The following RNF123 variants were observed in gnomAD, a reference collection of about 807,000 sequenced individuals.
RNF123 encodes the protein E3 ubiquitin-protein ligase RNF123.
Under a neutral mutation model 168.5 loss-of-function variants are expected in RNF123, and 86 were observed. The ratio of observed to expected loss-of-function variants is 0.51; its 90% CI spans 0.43 to 0.61. The LOEUF is 0.61. Among genes scored for constraint, RNF123 ranks in the 20% least tolerant of loss-of-function variants. The pLI is 0.00. For synonymous variants in RNF123, 666 were observed against 689.1 expected (o/e 0.97, Z 0.52); for missense variants, 1,419 against 1,729.7 (o/e 0.82, Z 3.19).
At chr3:49,718,661 C>T (rs748507577) in intron 35 of RNF123, 9 of 1,612,886 alleles carry the variant, frequency 5.6e-6, no homozygotes, top group African/African-American at 1.3e-5. Flanking sequence ...TTCTCAAAGA[C>T]GCGGCTGTGC....
intron 20 of RNF123, 75 bp from the exon 21 acceptor site, chr3:49,703,352 T>G: frequency 6.6e-6 from 8 of 1,208,904 alleles, no homozygotes; most frequent in Non-Finnish European, 9.6e-6. Context: ...CTAGGCCAGA[T>G]TGGAGGGGAG....
At chr3:49,718,400 C>T in intron 35 of RNF123, 1 of 1,613,148 alleles carries the variant, frequency 6.2e-7, no homozygotes. Flanking sequence ...AGGCGGGGCC[C>T]AGTGGCCAGG....
At position 49,716,493 on chromosome 3, in the gene RNF123, C is replaced by G. The variant is rs74680554; in HGVS notation, c.3500+16C>G. ...CAGCCTCAGAGTGAGTGTTGGGGACCGTGGGCCCCTGTGGGAGTTGGGTGT... is the reference window on the plus strand; with the variant it reads ...CAGCCTCAGAGTGAGTGTTGGGGACGGTGGGCCCCTGTGGGAGTTGGGTGT... On this transcript the variant is annotated intron_variant, in intron 35 of 38. Coordinates refer to ENST00000327697, the MANE Select transcript of RNF123 (RefSeq NM_022064.5). The G allele has an allele frequency of 1.2e-6, 2 of 1,610,440 alleles. No individual in the cohort carries two copies. Among genetic ancestry groups the G allele is most frequent in the Non-Finnish European group, 1.7e-6 (2 of 1,177,586 alleles).
At position 49,702,302 on chromosome 3, in the gene RNF123, T is replaced by C. The variant is rs1420213570; in HGVS notation, c.1558-32T>C. ...CCCAGTCTGGGCCTGCATTCTCAGC[T>C]CAGCACAGCCTCACTTTTCCCTCTC... On this transcript the variant is annotated intron_variant, in intron 18 of 38. Transcript: ENST00000327697. The C allele has an allele frequency of 2.5e-6, 4 of 1,612,066 alleles. No individual in the cohort carries two copies. The South Asian group carries it at 4.4e-5, about 18-fold the overall frequency.
At chr3:49,710,161 C>T (rs996609427) in intron 26 of RNF123, among the ~76,000 whole-genome samples, 1 of 151,324 alleles carries the variant, frequency 6.6e-6, no homozygotes, top group Non-Finnish European at 1.5e-5. Context: ...ATAGTAAATC[C>T]TAATGGGTAG....
intron 27 of RNF123, 195 bp from the exon 28 acceptor site, chr3:49,713,318 C>T: frequency 3.3e-6 from 2 of 611,532 alleles, no homozygotes; most frequent in Non-Finnish European, 5.8e-6. Flanking sequence ...CATCCCTTCA[C>T]AGTGAGCCTG....
At position 49,705,656 on chromosome 3, in the gene RNF123, A is replaced by G; in HGVS notation, c.2281A>G (p.Ser761Gly). 6.2e-7 allele frequency: 1 copy of G among 1,613,994 alleles called. No homozygotes were observed. The highest frequency in any genetic ancestry group is 8.5e-7 in the Non-Finnish European group (1 of 1,179,952). ...TGGGGCGGTCATGATGTACAACCTC[A>G]GCGTACACCAGCAGCTGGGCAAGGT... ...LDGAVMMYNL[S>G]VHQQLGKMVG... is the part of the protein sequence containing the mutation. Residue 761 changes from serine to glycine, a missense_variant, in exon 24 of 39, where the codon AGC (serine) becomes GGC (glycine). By Grantham distance (56) the Ser-to-Gly change is moderately conservative. Around this residue, in one of 5 missense-constraint regions of RNF123, gnomAD observed 538 missense variants for 708.8 expected, o/e 0.76. Transcript: ENST00000327697.
In RNF123 at chr3:49,696,148, C is replaced by CAAGG. The variant is rs1481654322; in HGVS notation, c.168-995_168-994insAAGG. Among the ~76,000 whole-genome samples the CAAGG allele has an allele frequency of 9.8e-5, 15 of 152,322 alleles. No individual in the cohort carries two copies. The East Asian group carries it at 1.7e-3, about 18-fold the overall frequency. ...TAGGGGCAAGGGTTGGACTAGGTGGCCTTGGTACTGACCACTTTGGGAACC... is the reference window on the plus strand; with the variant it reads ...TAGGGGCAAGGGTTGGACTAGGTGGCAAGGCTTGGTACTGACCACTTTGGGAACC... On this transcript the variant is annotated intron_variant, in intron 3 of 38. Coordinates refer to ENST00000327697, the MANE Select transcript of RNF123 (RefSeq NM_022064.5).
At chr3:49,712,011 G>T (rs1333733585) in intron 26 of RNF123, among the ~76,000 whole-genome samples, 3 of 152,084 alleles carry the variant, frequency 2.0e-5, no homozygotes, top group African/African-American at 7.3e-5. Flanking sequence ...GATCACCTGA[G>T]GTCAGGAGTT....
chr3:49,717,868 T>TATC, intron 35 of RNF123: 2 of 1,448,630 alleles, frequency 1.4e-6, no homozygotes, highest in South Asian at 1.3e-5. Context: ...TTCCCACCAG[T>TATC]ATCTGCCAGT....
intron 2 of RNF123, 30 bp downstream of exon 2, chr3:49,691,277 C>T (rs995668475): frequency 6.8e-6 from 11 of 1,609,982 alleles, no homozygotes; most frequent in African/African-American, 6.7e-5. Context: ...GAAGGAGGCT[C>T]CTCTTGTTGG....
At position 49,714,226 on chromosome 3, in the gene RNF123, C is replaced by T. The variant is rs768955228; in HGVS notation, c.3010+52C>T. 40 of 1,525,180 alleles carry T rather than the reference C, an allele frequency of 2.6e-5. No individual in the cohort carries two copies. In the East Asian group the frequency reaches 9.0e-4, roughly 34 times the overall value. 94.5% of individuals were successfully genotyped at this position (1,525,180 alleles called of 1,614,324 possible). On this transcript the variant is annotated intron_variant, in intron 31 of 38. Transcript: ENST00000327697. ...GGGCAAGGCAGGCGGGGGCGCTTAC[C>T]TCCTACCCATGGGTTCTTTCAGACT...
rs1014410323 is a variant in RNF123, at chr3:49,697,332, C to T, written c.248-31C>T. ...CCTATGCATCCTGTCAAATGCTCCA[C>T]CCTGCCTGACCCCACCTCTCCTCTT... On this transcript the variant is annotated intron_variant, in intron 4 of 38. Transcript: ENST00000327697. 3 of 1,601,718 alleles carry T rather than the reference C, an allele frequency of 1.9e-6. No individual in the cohort carries two copies. The South Asian group carries it at 3.3e-5, about 18-fold the overall frequency.
chr3:49,713,553 CA>C lies in RNF123; in HGVS notation c.2718del (p.Lys906AsnfsTer17). 1 of 1,612,766 alleles carries C rather than the reference CA, an allele frequency of 6.2e-7. No individual in the cohort carries two copies. Among genetic ancestry groups the C allele is most frequent in the Non-Finnish European group, 8.5e-7 (1 of 1,179,478 alleles). On this transcript the variant is annotated frameshift_variant, in exon 28 of 39. Coordinates refer to ENST00000327697, the MANE Select transcript of RNF123 (RefSeq NM_022064.5). LOFTEE classifies it high-confidence loss of function. ...TGACCCGCCTGGCTGCCATTCTCGC[CA>C]AACACTTTGCCGACGCACGCATTGT... Reference protein sequence around the residue: ...TLTRLAAILAKHFADARIVGT... With the variant: ...TLTRLAAILAXHFADARIVGT...
chr3:49,716,932 T>C (rs1235817120), intron 35 of RNF123: 1 of 161,818 alleles, frequency 6.2e-6, no homozygotes, highest in Non-Finnish European at 1.4e-5. Flanking sequence ...CCCCCACACA[T>C]GAAGGGCTCC....
intron 7 of RNF123, 68 bp from the exon 8 acceptor site, chr3:49,698,372 G>T (rs2054310036): frequency 7.5e-7 from 1 of 1,328,470 alleles, no homozygotes; most frequent in Admixed American, 1.7e-5. Flanking sequence ...TCCAAGGCTG[G>T]TGATTGGTGG....
In RNF123 at chr3:49,701,584, G is replaced by A. The variant is rs767828457; in HGVS notation, c.1371G>A (p.Trp457Ter). 1.9e-6 allele frequency: 3 copies of A among 1,613,600 alleles called. No homozygotes were observed. Among genetic ancestry groups the A allele is most frequent in the Non-Finnish European group, 2.5e-6 (3 of 1,179,964 alleles). Residue 457 changes from tryptophan (W) to a stop codon, truncating the protein, a stop_gained, in exon 16 of 39, where the codon TGG becomes TGA. Coordinates refer to ENST00000327697, the MANE Select transcript of RNF123 (RefSeq NM_022064.5). LOFTEE classifies it high-confidence loss of function. Reference protein sequence around the residue: ...AGLQELIPTTWWPHCSSREGK... With the variant: ...AGLQELIPTT ...TGCAGGAGCTCATTCCCACCACCTG[G>A]TGGCCCCACTGCTCCAGTAGGGAGG...
rs754425749 is a variant in RNF123, at chr3:49,701,555, G to A, written c.1342G>A (p.Gly448Ser). ...GAGCCCCCTGCGTGTGGAGGAGGCC[G>A]GCCTGCAGGAGCTCATTCCCACCAC... is the stretch of plus-strand genomic sequence containing the variant. Reference protein sequence around the residue: ...IKSPLRVEEAGLQELIPTTWW... With the variant: ...IKSPLRVEEASLQELIPTTWW... The change falls in exon 16 of 39, where the codon GGC becomes AGC. Residue 448 changes from glycine (G) to serine (S), a missense_variant. Transcript: ENST00000327697. 27 of 1,613,714 alleles carry A rather than the reference G, an allele frequency of 1.7e-5. 1 individual carries two copies. Among genetic ancestry groups the A allele is most frequent in the South Asian group, 6.6e-5 (6 of 91,094 alleles).
intron 21 of RNF123, 38 bp from the exon 22 acceptor site, chr3:49,704,612 C>A: frequency 6.4e-7 from 1 of 1,561,080 alleles, no homozygotes; most frequent in Non-Finnish European, 8.7e-7. Flanking sequence ...CCCCTTGCGC[C>A]ACCACTGGCC....
Sources: gnomAD v4.1 joint callset for allele counts (sites outside exome capture counted in the v4.1 genomes callset) on GRCh38, gnomAD v4.1.1 for gene constraint, gnomAD v4.1.1 regional missense constraint, MANE v1.5 for transcripts, NCBI Gene and HGNC (gene_info 2026-07-23, HGNC 2026-07-21) for gene names.